The following ZNF675 variants were observed in gnomAD, a reference collection of about 807,000 sequenced individuals.
ZNF675 encodes the protein TRAF6 inhibitory zinc finger.
ZNF675 carries 36 observed loss-of-function variants against 56.1 expected under a neutral mutation model. The observed-to-expected ratio is 0.64, with a 90% CI of 0.49 to 0.85. The LOEUF is 0.85. Ranked by LOEUF, ZNF675 falls within the 40% of genes least tolerant of loss-of-function variation. The probability of loss-of-function intolerance (pLI) is 0.00; values close to 1 mark genes in which losing one functional copy is unlikely to be tolerated. For synonymous variants in ZNF675, 200 were observed against 218.9 expected, an observed-to-expected ratio of 0.91 and a Z score of 0.76; for missense variants, 663 against 654.2, an observed-to-expected ratio of 1.01 and a Z score of -0.15.
intron 3 of ZNF675, among the ~76,000 whole-genome samples, chr19:23,657,750 T>C (rs537512240): frequency 2.0e-5 from 3 of 151,792 alleles, no homozygotes; most frequent in African/African-American, 4.8e-5. Context: ...CCATGACTAA[T>C]CACTTAGACA....
chr19:23,654,804 G>T, intron 3 of ZNF675, 98 bp from the exon 4 acceptor site: 1 of 984,678 alleles, frequency 1.0e-6, no homozygotes, highest in Non-Finnish European at 1.4e-6. Flanking sequence ...AAGCAAGATG[G>T]CACCACAGGC....
chr19:23,667,677 A>G (rs1230215221), intron 1 of ZNF675, among the ~76,000 whole-genome samples: 1 of 150,236 alleles, frequency 6.7e-6, no homozygotes, highest in African/African-American at 2.5e-5. Context: ...CAGAGTGTCA[A>G]TTGGTGCACT....
intron 1 of ZNF675, among the ~76,000 whole-genome samples, chr19:23,682,443 T>G (rs1349226874): frequency 6.6e-6 from 1 of 151,808 alleles, no homozygotes; most frequent in African/African-American, 2.4e-5. Context: ...TTTTACAAAA[T>G]TTAGAAACTG....
chr19:23,669,849 T>A (rs1455732507), intron 1 of ZNF675, among the ~76,000 whole-genome samples: 2 of 82,504 alleles, frequency 2.4e-5, no homozygotes, highest in African/African-American at 9.2e-5. Context: ...CAAGACTCTG[T>A]CTCAAAAAAA....
intron 1 of ZNF675, among the ~76,000 whole-genome samples, chr19:23,668,550 C>T (rs574027502): frequency 6.6e-6 from 1 of 152,178 alleles, no homozygotes; most frequent in Non-Finnish European, 1.5e-5. Context: ...CTTGGGCGGT[C>T]GATGGGACTG....
At position 23,653,425 on chromosome 19, in the gene ZNF675, G is replaced by C. The variant is rs775566538; in HGVS notation, c.1508C>G (p.Thr503Ser). Residue 503 changes from threonine (T) to serine (S), a missense_variant, in exon 4 of 4, where the codon ACT becomes AGT. Thr to Ser is a moderately conservative substitution (Grantham distance 58, BLOSUM62 1). Coordinates refer to ENST00000359788, the MANE Select transcript of ZNF675 (RefSeq NM_138330.3). The part of the protein sequence containing the change: ...SSLTTHKRIH[T>S]GEKPYKCEEC... ...TTCACATTTGTAGGGTTTCTCCCCA[G>C]TATGAATTCTTTTATGTGTAGTAAG... 1 of 1,612,854 alleles carries C rather than the reference G, an allele frequency of 6.2e-7. No homozygotes were observed. Among genetic ancestry groups the C allele is most frequent in the African/African-American group, 1.3e-5 (1 of 74,900 alleles).
At position 23,664,663 on chromosome 19, in the gene ZNF675, C is replaced by T. The variant is rs1039903064; in HGVS notation, c.4-1505G>A. The stretch of plus-strand genomic sequence containing the variant: ...AGTCACAAGAGGCACTTAATTAAAA[C>T]AACATGGGCGGGAACAGTGGCTCAC... On this transcript the variant is annotated intron_variant, in intron 1 of 3. Transcript: ENST00000359788. Among the ~76,000 whole-genome samples, 18 of 152,274 alleles carry T rather than the reference C, an allele frequency of 1.2e-4. 1 individual carries two copies. Among genetic ancestry groups the T allele is most frequent in the African/African-American group, 4.3e-4 (18 of 41,574 alleles).
rs149417260 is a variant in ZNF675, at chr19:23,680,350, T to C, written c.3+6681A>G. ...TACATAAACATCATGGAACACTGTG[T>C]GGCCATAAAAAGAGACCAAGATCAT... is the stretch of plus-strand genomic sequence containing the variant. On this transcript the variant is annotated intron_variant, in intron 1 of 3. Transcript: ENST00000359788. Among the ~76,000 whole-genome samples the C allele has an allele frequency of 1.9e-3, 283 of 151,824 alleles. 9 individuals are homozygous for C. Among genetic ancestry groups the C allele is most frequent in the African/African-American group, 6.6e-3 (272 of 41,168 alleles).
intron 1 of ZNF675, among the ~76,000 whole-genome samples, chr19:23,682,475 C>A (rs1309342930): frequency 6.6e-6 from 1 of 151,774 alleles, no homozygotes; most frequent in Non-Finnish European, 1.5e-5. Context: ...TAATACTTAT[C>A]TTCAGTAAGA....
rs768585411 is a variant in ZNF675 at position 23,654,368 on chromosome 19, G to A, written c.565C>T (p.Arg189Ter). The change falls in exon 4 of 4, where the codon CGA becomes TGA. Residue 189 changes from arginine to a stop codon, truncating the protein, a stop_gained. Transcript: ENST00000359788. LOFTEE classifies it high-confidence loss of function. ...RSFCMLSHLTRHERNYTKVNF... is the reference protein window; with the variant it reads ...RSFCMLSHLT The stretch of plus-strand genomic sequence containing the variant: ...ACCTTGGTATAATTTCTTTCATGTC[G>A]AGTTAGGTGTGAAAGCATGCAAAAT... The A allele has an allele frequency of 1.3e-5, 21 of 1,611,610 alleles. No homozygotes were observed. The highest frequency in any genetic ancestry group is 2.2e-5 in the East Asian group (1 of 44,810).
chr19:23,679,991 C>G lies in ZNF675; in HGVS notation c.3+7040G>C, dbSNP rs115791867. On this transcript the variant is annotated intron_variant, in intron 1 of 3. Coordinates refer to ENST00000359788, the MANE Select transcript of ZNF675 (RefSeq NM_138330.3). Reference sequence around the variant, plus strand: ...GGCAACAAGAGCGAGACTCCGTACCCCCCCCCAAAAAAAAACATTAATAAA... The same window carrying G: ...GGCAACAAGAGCGAGACTCCGTACCGCCCCCCAAAAAAAAACATTAATAAA... Among the ~76,000 whole-genome samples, 946 of 148,328 alleles carry G rather than the reference C, an allele frequency of 6.4e-3. 31 individuals are homozygous for G. Among genetic ancestry groups the G allele is most frequent in the African/African-American group, 0.023 (910 of 39,736 alleles).
At chr19:23,686,736 C>T (rs56239234) in intron 1 of ZNF675, among the ~76,000 whole-genome samples, 75,784 of 152,068 alleles carry the variant, frequency 0.5, 20,212 homozygotes, top group Non-Finnish European at 0.6. Context: ...GACGGCCCTC[C>T]TGTGGTCCCT....
rs570097649 is a variant in ZNF675, at chr19:23,679,989, C to T, written c.3+7042G>A. Among the ~76,000 whole-genome samples, 205 of 137,610 alleles carry T rather than the reference C, an allele frequency of 1.5e-3. 3 individuals carry two copies. Among genetic ancestry groups the T allele is most frequent in the African/African-American group, 5.7e-3 (177 of 30,890 alleles). The allele number at this position is 137,610 out of a possible 152,430, so 90.3% of individuals were successfully genotyped here. A position where few individuals can be genotyped will look rare whatever the true frequency, so the allele number is the denominator to read the frequency against. The stretch of plus-strand genomic sequence containing the variant: ...TGGGCAACAAGAGCGAGACTCCGTA[C>T]CCCCCCCCAAAAAAAAACATTAATA... On this transcript the variant is annotated intron_variant, in intron 1 of 3. Coordinates refer to ENST00000359788, the MANE Select transcript of ZNF675 (RefSeq NM_138330.3).
intron 1 of ZNF675, among the ~76,000 whole-genome samples, chr19:23,678,082 T>C (rs1365719559): frequency 1.3e-5 from 2 of 151,336 alleles, no homozygotes; most frequent in South Asian, 2.1e-4. Flanking sequence ...GATCGTGCCA[T>C]TGCACTCCAG....
chr19:23,684,228 C>G (rs1412405685), intron 1 of ZNF675, among the ~76,000 whole-genome samples: 1 of 150,902 alleles, frequency 6.6e-6, no homozygotes, highest in African/African-American at 2.4e-5. Context: ...TGTCACTGCA[C>G]TCCAGCCTGG....
chr19:23,659,276 G>A (rs1968045236), intron 3 of ZNF675, among the ~76,000 whole-genome samples: 1 of 151,874 alleles, frequency 6.6e-6, no homozygotes, highest in Non-Finnish European at 1.5e-5. Context: ...TAAAATTACA[G>A]ACAAAATTGA....
At chr19:23,670,204 A>G (rs773415341) in intron 1 of ZNF675, among the ~76,000 whole-genome samples, 1 of 152,170 alleles carries the variant, frequency 6.6e-6, no homozygotes, top group Admixed American at 6.5e-5. Context: ...ATTAGAATCA[A>G]TTTGACCCTG....
At chr19:23,665,454 A>C (rs1968136844) in intron 1 of ZNF675, among the ~76,000 whole-genome samples, 1 of 151,884 alleles carries the variant, frequency 6.6e-6, no homozygotes, top group South Asian at 2.1e-4. Flanking sequence ...CTGTGATGTA[A>C]TTCTGCAGAC....
chr19:23,673,770 A>G (rs1425001083), intron 1 of ZNF675, among the ~76,000 whole-genome samples: 2 of 152,196 alleles, frequency 1.3e-5, no homozygotes, highest in African/African-American at 4.8e-5. Context: ...GCAAGCCACC[A>G]TGGTGCATGT....
Sources: allele counts gnomAD v4.1 joint callset (sites outside exome capture counted in the v4.1 genomes callset), GRCh38; gene constraint gnomAD v4.1.1; transcripts MANE v1.5; gene names NCBI Gene and HGNC (gene_info 2026-07-23, HGNC 2026-07-21).